DLG3: variants seen among roughly 807,000 people sequenced by gnomAD.
DLG3 encodes the protein discs large MAGUK scaffold protein 3.
DLG3 carries 1 observed loss-of-function variant against 64.1 expected under a neutral mutation model. The observed-to-expected ratio is 0.02, with a 90% CI of 0.01 to 0.07. The LOEUF (loss-of-function observed/expected upper bound fraction) is 0.07. DLG3 is among the 10% of genes least tolerant of loss of function. The probability of loss-of-function intolerance (pLI) is 1.00; values close to 1 mark genes in which losing one functional copy is unlikely to be tolerated. For missense variants in DLG3, 429 were observed against 669.5 expected (o/e 0.64, Z 3.96); for synonymous variants, 245 against 259.8 (o/e 0.94, Z 0.55).
chrX:70,459,921 A>C (rs1374472226), intron 9 of DLG3, among the ~76,000 whole-genome samples: 1 of 111,133 alleles, frequency 9.0e-6, no homozygotes, highest in African/African-American at 3.3e-5. Context: ...ACCCAGAGAC[A>C]TCTGGCTACA....
intron 9 of DLG3, among the ~76,000 whole-genome samples, chrX:70,462,243 CTTTTTTT>C (rs141689653): frequency 0.013 from 623 of 47,000 alleles, 3 homozygotes; most frequent in Non-Finnish European, 0.017. Flanking sequence ...TTCTTTCTTT[CTTTTTTT>C]TTTTTTTTTT....
At chrX:70,455,158 C>G in intron 9 of DLG3, 1 of 753,350 alleles carries the variant, frequency 1.3e-6, no homozygotes, top group Non-Finnish European at 1.6e-6. Context: ...TCCTCCCCTC[C>G]TCCCGCGCGC....
rs1308668838 is a variant in DLG3 at position 70,453,824 on chromosome X, G to A, written c.1302+31G>A. 3.5e-6 allele frequency: 4 copies of A among 1,133,911 alleles called. No individual in the cohort carries two copies. In the African/African-American group the frequency reaches 7.2e-5, roughly 20 times the overall value. 93.4% of individuals were successfully genotyped at this position (1,133,911 alleles called of 1,213,427 possible). A position where few individuals can be genotyped will look rare whatever the true frequency, so the allele number is the denominator to read the frequency against. On this transcript the variant is annotated intron_variant, in intron 8 of 18. Transcript: ENST00000374360. ...GAGACAAAGGAGAGGTGGGAGGATG[G>A]GAACTGTGCCAGTCTAAAATGGAGA...
Position 70,445,535 on chromosome X carries a change from A to G in DLG3, c.334A>G (p.Thr112Ala). The G allele has an allele frequency of 2.5e-6, 3 of 1,182,966 alleles. No homozygotes were observed. The highest frequency in any genetic ancestry group is 1.9e-5 in the South Asian group (1 of 53,642). ...CAGCTGGTGGCCAGAGTGCACCTGTACCAACCGGGACTGGTATGAGCAGGT... is the reference window on the plus strand; with the variant it reads ...CAGCTGGTGGCCAGAGTGCACCTGTGCCAACCGGGACTGGTATGAGCAGGT... ...GPSWWPECTC[T>A]NRDWYEQVNG... The change falls in exon 1 of 19, where the codon ACC becomes GCC. Residue 112 changes from threonine (T) to alanine (A), a missense_variant. This residue lies in a region of DLG3 where 123 missense variants were observed against 113.3 expected (regional missense o/e 1.09). Transcript: ENST00000374360.
At chrX:70,457,743 T>C (rs1260902502) in intron 9 of DLG3, among the ~76,000 whole-genome samples, 10 of 110,087 alleles carry the variant, frequency 9.1e-5, no homozygotes, top group African/African-American at 3.3e-4. Flanking sequence ...GGCTAATTTT[T>C]TGTATTTTTA....
chrX:70,451,718 G>A (rs2086620511), intron 6 of DLG3, 149 bp from the exon 7 acceptor site: 2 of 644,721 alleles, frequency 3.1e-6, no homozygotes, highest in African/African-American at 2.2e-5. Context: ...TGGGTGGCGG[G>A]TGGATGGAGT....
At chrX:70,478,050 T>C (rs1447596772) in intron 9 of DLG3, among the ~76,000 whole-genome samples, 1 of 112,316 alleles carries the variant, frequency 8.9e-6, no homozygotes, top group East Asian at 2.8e-4. Flanking sequence ...TTCCCAACCT[T>C]CAACCCCTAG....
In DLG3 at chrX:70,450,314, G is replaced by C. The variant is rs769596271; in HGVS notation, c.840+9G>C. Reference sequence around the variant, plus strand: ...GGGACCGGCTGCTGGCGGTGAGACAGACTTCATGGGGATGCCCAAATGGTA... The same window carrying C: ...GGGACCGGCTGCTGGCGGTGAGACACACTTCATGGGGATGCCCAAATGGTA... On this transcript the variant is annotated intron_variant, in intron 5 of 18. Coordinates refer to ENST00000374360, the MANE Select transcript of DLG3 (RefSeq NM_021120.4). 2.8e-5 allele frequency: 33 copies of C among 1,170,683 alleles called. 1 individual carries two copies. In the Admixed American group the frequency reaches 7.9e-4, roughly 28 times the overall value.
chrX:70,457,880 T>G (rs781161280), intron 9 of DLG3, among the ~76,000 whole-genome samples: 7 of 106,181 alleles, frequency 6.6e-5, no homozygotes, highest in Admixed American at 3.1e-4. Flanking sequence ...CTAAAACTTT[T>G]TGTGTGTGTG....
intron 9 of DLG3, among the ~76,000 whole-genome samples, chrX:70,460,155 C>T (rs1001202685): frequency 9.1e-5 from 10 of 109,319 alleles, no homozygotes; most frequent in East Asian, 2.9e-4. Flanking sequence ...TGGTGGCATG[C>T]GCCTGTAGTC....
chrX:70,493,659 T>A (rs1196934332), intron 12 of DLG3, among the ~76,000 whole-genome samples: 1 of 112,701 alleles, frequency 8.9e-6, no homozygotes, highest in Non-Finnish European at 1.9e-5. Context: ...GATGTTGGGT[T>A]TTATTTGTCC....
Position 70,500,032 on chromosome X carries a change from C to T in DLG3, c.2128C>T (p.Arg710Trp), listed in dbSNP as rs1465036476. Residue 710 changes from arginine (R) to tryptophan (W), a missense_variant, in exon 16 of 19, where the codon CGG (arginine) becomes TGG (tryptophan). Arg to Trp is a moderately radical substitution (Grantham distance 101). Coordinates refer to ENST00000374360, the MANE Select transcript of DLG3 (RefSeq NM_021120.4). The part of the protein sequence containing the change: ...NLYGTSIQSV[R>W]AVAERGKHCI... ...CTATGGGACCAGCATCCAGTCAGTG[C>T]GGGCAGTTGCAGAGAGGGTAAGTGT... The T allele has an allele frequency of 6.6e-6, 8 of 1,208,094 alleles. No individual in the cohort carries two copies. The highest frequency in any genetic ancestry group is 2.2e-5 in the Admixed American group (1 of 45,650).
chrX:70,449,012 C>A, intron 2 of DLG3, 49 bp downstream of exon 2: 1 of 1,165,638 alleles, frequency 8.6e-7, no homozygotes, highest in South Asian at 1.9e-5. Flanking sequence ...AGGGTTGGAG[C>A]CAGGATAAGG....
chrX:70,452,479 C>A (rs1325648150), intron 7 of DLG3: 11 of 984,705 alleles, frequency 1.1e-5, no homozygotes, highest in Non-Finnish European at 1.4e-5. Context: ...GCAGCGGCGG[C>A]GGCAGCGGCT....
rs189227538 is a variant in DLG3 at position 70,450,994 on chromosome X, T to C, written c.985+211T>C. 7.7e-4 allele frequency: 350 copies of C among 456,425 alleles called. 1 individual carries two copies. In the South Asian group the frequency reaches 0.01, roughly 13 times the overall value. 37.6% of individuals were successfully genotyped at this position (456,425 alleles called of 1,213,427 possible). ...GTGAAGACTTGCCATAGAGTCAGCA[T>C]TGGCAATTTTTGACAATTTCTATGG... is the stretch of plus-strand genomic sequence containing the variant. On this transcript the variant is annotated intron_variant, in intron 6 of 18. Coordinates refer to ENST00000374360, the MANE Select transcript of DLG3 (RefSeq NM_021120.4).
At chrX:70,455,136 CCCCCTCCTCTCTCCT>C in intron 9 of DLG3, 1 of 744,125 alleles carries the variant, frequency 1.3e-6, no homozygotes, top group Non-Finnish European at 1.6e-6. Flanking sequence ...CTCCCTCCTT[CCCCCTCCTCTCTCCT>C]CCCCTCCTCC....
intron 15 of DLG3, 65 bp from the exon 16 acceptor site, chrX:70,499,812 A>C: frequency 1.8e-6 from 2 of 1,112,033 alleles, no homozygotes; most frequent in Non-Finnish European, 2.4e-6. Flanking sequence ...TGGACCAGTC[A>C]GTATTTTTTG....
chrX:70,497,009 C>T (rs2087467973), intron 13 of DLG3, among the ~76,000 whole-genome samples: 1 of 112,119 alleles, frequency 8.9e-6, no homozygotes. Context: ...GGGCCAGGGG[C>T]TCAGGATTGG....
At chrX:70,480,900 T>G (rs2147846613) in intron 10 of DLG3, among the ~76,000 whole-genome samples, 1 of 112,261 alleles carries the variant, frequency 8.9e-6, no homozygotes, top group African/African-American at 3.2e-5. Context: ...GGAGCACTCT[T>G]CCCTGGCTCA....
Sources: gnomAD v4.1 joint callset for allele counts (sites outside exome capture counted in the v4.1 genomes callset) on GRCh38, gnomAD v4.1.1 for gene constraint, gnomAD v4.1.1 regional missense constraint, MANE v1.5 for transcripts, NCBI Gene and HGNC (gene_info 2026-07-23, HGNC 2026-07-21) for gene names.